The following GUCY1A2 variants were observed in gnomAD, a reference collection of about 807,000 sequenced individuals.
GUCY1A2 encodes the protein guanylate cyclase soluble subunit alpha-2.
GUCY1A2 carries 27 observed loss-of-function variants against 63.5 expected under a neutral mutation model. The observed-to-expected ratio is 0.43, with a 90% CI of 0.31 to 0.59. The LOEUF (loss-of-function observed/expected upper bound fraction) is 0.59, where lower values mean the gene tolerates loss of function less well. GUCY1A2 is among the 20% of genes least tolerant of loss of function. The pLI is 0.11. For synonymous variants in GUCY1A2, 364 were observed against 343.5 expected (o/e 1.06, Z -0.66); for missense variants, 768 against 913.3 (o/e 0.84, Z 2.05).
At chr11:106,894,942 G>C (rs1860025423) in intron 4 of GUCY1A2, among the ~76,000 whole-genome samples, 1 of 151,978 alleles carries the variant, frequency 6.6e-6, no homozygotes, top group African/African-American at 2.4e-5. Flanking sequence ...GAAATAAACA[G>C]AGAAAAGTCA....
intron 4 of GUCY1A2, among the ~76,000 whole-genome samples, chr11:106,869,313 G>T (rs1441016055): frequency 1.3e-5 from 2 of 152,038 alleles, no homozygotes; most frequent in Non-Finnish European, 2.9e-5. Context: ...CCATCAGAGT[G>T]AACAGGCAAC....
intron 4 of GUCY1A2, among the ~76,000 whole-genome samples, chr11:106,867,770 A>T (rs1859615945): frequency 6.6e-6 from 1 of 152,070 alleles, no homozygotes; most frequent in Admixed American, 6.6e-5. Context: ...TTGATTTTAT[A>T]TCAAAGACTA....
chr11:106,997,336 G>T (rs1250533520), intron 1 of GUCY1A2, among the ~76,000 whole-genome samples: 1 of 152,060 alleles, frequency 6.6e-6, no homozygotes, highest in African/African-American at 2.4e-5. Flanking sequence ...TAAGCTGTTG[G>T]CAGTATCAGT....
At chr11:106,965,061 C>T (rs1004010317) in intron 3 of GUCY1A2, among the ~76,000 whole-genome samples, 1 of 151,590 alleles carries the variant, frequency 6.6e-6, no homozygotes, top group Non-Finnish European at 1.5e-5. Flanking sequence ...TATACTAATA[C>T]ATAAACACAG....
chr11:106,932,898 G>A (rs950633558), intron 4 of GUCY1A2, among the ~76,000 whole-genome samples: 2 of 152,146 alleles, frequency 1.3e-5, no homozygotes, highest in Non-Finnish European at 2.9e-5. Flanking sequence ...ATGGTGCTGG[G>A]ATAGCTGGCT....
At chr11:106,719,917 C>G (rs933334576) in intron 6 of GUCY1A2, among the ~76,000 whole-genome samples, 1 of 152,154 alleles carries the variant, frequency 6.6e-6, no homozygotes, top group Admixed American at 6.5e-5. Flanking sequence ...ACTGTTTGCC[C>G]AGGAAATCAT....
chr11:106,912,795 A>G (rs1269959499), intron 4 of GUCY1A2, among the ~76,000 whole-genome samples: 1 of 152,140 alleles, frequency 6.6e-6, no homozygotes, highest in African/African-American at 2.4e-5. Flanking sequence ...TGTGCCCTTT[A>G]ATGAAACCTT....
At chr11:106,709,013 C>CAGTT (rs770717523) in intron 6 of GUCY1A2, among the ~76,000 whole-genome samples, 14 of 149,778 alleles carry the variant, frequency 9.3e-5, no homozygotes, top group Non-Finnish European at 1.9e-4. Flanking sequence ...TTTCTCCCTC[C>CAGTT]AGTTATTCTT....
chr11:106,881,491 G>A (rs1214437377), intron 4 of GUCY1A2, among the ~76,000 whole-genome samples: 1 of 152,002 alleles, frequency 6.6e-6, no homozygotes, highest in Non-Finnish European at 1.5e-5. Context: ...GCCTTATGGT[G>A]TAGTATCCTC....
At chr11:106,713,162 G>C (rs1358524429) in intron 6 of GUCY1A2, among the ~76,000 whole-genome samples, 1 of 152,050 alleles carries the variant, frequency 6.6e-6, no homozygotes, top group Non-Finnish European at 1.5e-5. Flanking sequence ...CATTTAATTT[G>C]TTTCTTATCT....
At chr11:106,926,693 A>G (rs935852064) in intron 4 of GUCY1A2, among the ~76,000 whole-genome samples, 2 of 151,956 alleles carry the variant, frequency 1.3e-5, no homozygotes, top group African/African-American at 4.8e-5. Flanking sequence ...GATAGTGGTG[A>G]GAAGCAGCCC....
intron 7 of GUCY1A2, among the ~76,000 whole-genome samples, chr11:106,702,480 G>A (rs532156505): frequency 1.3e-5 from 2 of 152,130 alleles, no homozygotes; most frequent in African/African-American, 4.8e-5. Context: ...GAGGACTGCA[G>A]TCATCTTTAT....
chr11:106,850,229 A>G (rs948145142), intron 4 of GUCY1A2, among the ~76,000 whole-genome samples: 2 of 151,716 alleles, frequency 1.3e-5, no homozygotes, highest in Non-Finnish European at 3.0e-5. Flanking sequence ...GTTGATATTT[A>G]ATAATTGTAT....
intron 3 of GUCY1A2, among the ~76,000 whole-genome samples, chr11:106,957,718 G>C (rs6588939): frequency 0.91 from 137,681 of 151,678 alleles, 62,571 homozygotes; most frequent in East Asian, 1. Flanking sequence ...GCAGCTTCCA[G>C]TCGGCCATCT....
intron 6 of GUCY1A2, among the ~76,000 whole-genome samples, chr11:106,768,914 A>C (rs1355097342): frequency 2.6e-5 from 4 of 152,078 alleles, no homozygotes; most frequent in Admixed American, 1.3e-4. Flanking sequence ...CCCCACTTTG[A>C]GATGGGAACA....
chr11:106,794,251 A>C (rs1010855067), intron 5 of GUCY1A2, among the ~76,000 whole-genome samples: 4 of 152,126 alleles, frequency 2.6e-5, no homozygotes, highest in Non-Finnish European at 4.4e-5. Context: ...CAGAAAGATA[A>C]ATACTATATG....
chr11:106,943,694 T>C (rs1421945940), intron 3 of GUCY1A2, among the ~76,000 whole-genome samples: 1 of 152,194 alleles, frequency 6.6e-6, no homozygotes, highest in Non-Finnish European at 1.5e-5. Flanking sequence ...AAGTATTTGT[T>C]TGGTGAATAT....
At chr11:106,790,207 T>C (rs1864632917) in intron 5 of GUCY1A2, among the ~76,000 whole-genome samples, 1 of 152,098 alleles carries the variant, frequency 6.6e-6, no homozygotes, top group Admixed American at 6.5e-5. Flanking sequence ...CCTGAAACCA[T>C]GATACACCTT....
intron 4 of GUCY1A2, among the ~76,000 whole-genome samples, chr11:106,939,211 G>C (rs1860717958): frequency 1.3e-5 from 2 of 152,114 alleles, no homozygotes; most frequent in Admixed American, 1.3e-4. Context: ...TTTTGTAATT[G>C]CTATAGCTAG....
Sources: gnomAD v4.1 joint callset for allele counts (sites outside exome capture counted in the v4.1 genomes callset) on GRCh38, gnomAD v4.1.1 for gene constraint, MANE v1.5 for transcripts, NCBI Gene and HGNC (gene_info 2026-07-23, HGNC 2026-07-21) for gene names.